USP28: variants seen among roughly 807,000 people sequenced by gnomAD.
USP28 encodes ubiquitin carboxyl-terminal hydrolase 28.
In USP28, 113 loss-of-function variants were observed where a neutral mutation model predicts 145.0. The observed-to-expected ratio is 0.78, with a 90% CI of 0.67 to 0.91. The LOEUF (loss-of-function observed/expected upper bound fraction) is 0.91. Among genes scored for constraint, USP28 ranks in the 40% least tolerant of loss-of-function variants. The pLI is 0.00. For missense variants in USP28, 1,201 were observed against 1,289.6 expected, an observed-to-expected ratio of 0.93 and a Z score of 1.05; for synonymous variants, 447 against 450.9, an observed-to-expected ratio of 0.99 and a Z score of 0.11.
chr11:113,866,453 AC>A (rs1276622677), intron 1 of USP28, among the ~76,000 whole-genome samples: 1 of 152,214 alleles, frequency 6.6e-6, no homozygotes, highest in Non-Finnish European at 1.5e-5. Flanking sequence ...CAACCAAAAA[AC>A]GAGACAACCC....
chr11:113,855,869 G>A (rs926812257), intron 1 of USP28, among the ~76,000 whole-genome samples: 1 of 152,124 alleles, frequency 6.6e-6, no homozygotes, highest in African/African-American at 2.4e-5. Flanking sequence ...CAAGATCGCG[G>A]CATTGCAACT....
chr11:113,827,208 A>C, intron 11 of USP28, 25 bp downstream of exon 11: 1 of 1,590,344 alleles, frequency 6.3e-7, no homozygotes, highest in African/African-American at 1.4e-5. Flanking sequence ...ACCTCAGGAA[A>C]AAAAAAAATC....
Position 113,824,756 on chromosome 11 carries a change from A to T in USP28, c.1188-1056T>A, listed in dbSNP as rs538838234. Among the ~76,000 whole-genome samples the T allele has an allele frequency of 3.3e-5, 5 of 150,780 alleles. No individual in the cohort carries two copies. In the South Asian group the frequency reaches 8.5e-4, roughly 26 times the overall value. ...GACCAGCCTGACCAACGTGGGAGAA[A>T]CCCCATCTCTACTAAAAATACAAAA... On this transcript the variant is annotated intron_variant, in intron 11 of 24. Transcript: ENST00000003302.
At chr11:113,865,952 C>A (rs1948207339) in intron 1 of USP28, among the ~76,000 whole-genome samples, 1 of 152,076 alleles carries the variant, frequency 6.6e-6, no homozygotes. Context: ...GAAAAGACAA[C>A]CGGTATACAA....
chr11:113,833,492 A>G (rs780973016), exon 7 of USP28: 9 of 1,614,206 alleles, frequency 5.6e-6, no homozygotes, highest in Non-Finnish European at 7.6e-6. Context: ...CAAATTTTCT[A>G]TTTGATCCCA....
chr11:113,808,031 T>C, intron 18 of USP28: 1 of 1,262,666 alleles, frequency 7.9e-7, no homozygotes, highest in Non-Finnish European at 1.0e-6. Context: ...ACCTCAGAAT[T>C]AGGCTGGGCA....
At chr11:113,810,960 C>G (rs561155796) in intron 16 of USP28, among the ~76,000 whole-genome samples, 18 of 152,312 alleles carry the variant, frequency 1.2e-4, no homozygotes, top group African/African-American at 4.3e-4. Context: ...CAGGCGTGAA[C>G]CACCATGCCG....
intron 2 of USP28, among the ~76,000 whole-genome samples, chr11:113,853,837 C>A (rs983737019): frequency 6.9e-6 from 1 of 144,466 alleles, no homozygotes; most frequent in Non-Finnish European, 1.5e-5. Flanking sequence ...CAAGATTGTG[C>A]TACTGCACTC....
At chr11:113,857,926 TA>T (rs1947241368) in intron 1 of USP28, among the ~76,000 whole-genome samples, 2 of 151,948 alleles carry the variant, frequency 1.3e-5, no homozygotes, top group Admixed American at 1.3e-4. Context: ...AATAGCATGG[TA>T]CAATCTTAGC....
At chr11:113,816,942 T>C (rs1322094590) in intron 13 of USP28, among the ~76,000 whole-genome samples, 2 of 152,214 alleles carry the variant, frequency 1.3e-5, no homozygotes, top group Non-Finnish European at 1.5e-5. Context: ...TTTCTATGCA[T>C]ACATGGATGA....
chr11:113,844,131 A>G (rs184848702), intron 3 of USP28, among the ~76,000 whole-genome samples: 11 of 152,300 alleles, frequency 7.2e-5, no homozygotes, highest in Admixed American at 7.2e-4. Flanking sequence ...TTTGGGCTTC[A>G]AAGGACACCA....
chr11:113,809,364 C>A (rs1412316667), intron 16 of USP28, 110 bp from the exon 17 acceptor site: 3 of 1,037,214 alleles, frequency 2.9e-6, no homozygotes, highest in Non-Finnish European at 2.8e-6. Flanking sequence ...ACTAAAAATA[C>A]ATGCACATAG....
At chr11:113,799,202 C>T in exon 25 of USP28, 2 of 1,586,914 alleles carry the variant, frequency 1.3e-6, no homozygotes, top group Non-Finnish European at 1.7e-6. Context: ...AAGAGGCAGG[C>T]AGCCAGGAAC....
chr11:113,853,220 A>G (rs1946668266), intron 2 of USP28, among the ~76,000 whole-genome samples: 1 of 140,662 alleles, frequency 7.1e-6, no homozygotes, highest in Non-Finnish European at 1.5e-5. Flanking sequence ...CCCAGGAGGC[A>G]GAGGGCAGAG....
chr11:113,840,410 C>A (rs1945068406), intron 5 of USP28, among the ~76,000 whole-genome samples, 188 bp downstream of exon 5: 1 of 152,176 alleles, frequency 6.6e-6, no homozygotes, highest in Non-Finnish European at 1.5e-5. Flanking sequence ...ACAACCACAG[C>A]AGATTTCTTT....
At chr11:113,815,423 A>G (rs745455079) in intron 13 of USP28, 41 bp from the exon 14 acceptor site, 109 of 1,583,430 alleles carry the variant, frequency 6.9e-5, no homozygotes, top group Non-Finnish European at 9.3e-5. Context: ...TAATTTCCAA[A>G]AGATACCTTG....
In USP28 at chr11:113,826,294, A is replaced by AAAAAAG. The variant is rs755900735; in HGVS notation, c.1187+938_1187+939insCTTTTT. Among the ~76,000 whole-genome samples, 28 of 143,896 alleles carry AAAAAAG rather than the reference A, an allele frequency of 1.9e-4. 2 individuals are homozygous for AAAAAAG. Among genetic ancestry groups the AAAAAAG allele is most frequent in the Non-Finnish European group, 3.2e-4 (21 of 65,664 alleles). The allele number at this position is 143,896 out of a possible 152,430, so 94.4% of individuals were successfully genotyped here. On this transcript the variant is annotated intron_variant, in intron 11 of 24. Coordinates refer to ENST00000003302, the Ensembl canonical transcript of USP28. ...CAAGACTCCTTCTCAAAAAAAAAAA[A>AAAAAAG]AAAGAAAGAAAGAAAAGAAAAGAAA...
At chr11:113,819,153 C>T (rs1435258128) in intron 12 of USP28, among the ~76,000 whole-genome samples, 1 of 150,690 alleles carries the variant, frequency 6.6e-6, no homozygotes, top group Non-Finnish European at 1.5e-5. Context: ...CATTTTGTCA[C>T]CCAGGCTGGA....
intron 1 of USP28, among the ~76,000 whole-genome samples, chr11:113,854,952 C>T (rs879746938): frequency 2.0e-5 from 3 of 152,168 alleles, no homozygotes; most frequent in Non-Finnish European, 4.4e-5. Flanking sequence ...TTAAGTAGGG[C>T]ATATAAGGAG....
Sources: gnomAD v4.1 joint callset for allele counts (sites outside exome capture counted in the v4.1 genomes callset) on GRCh38, gnomAD v4.1.1 for gene constraint, MANE v1.5 for transcripts, NCBI Gene and HGNC (gene_info 2026-07-23, HGNC 2026-07-21) for gene names.